Variants in DDX31 observed in about 807,000 individuals in gnomAD.
The protein encoded by DDX31 is DEAD-box helicase 31.
DDX31 carries 70 observed loss-of-function variants against 91.3 expected under a neutral mutation model. That is an observed-to-expected ratio of 0.77 (90% confidence interval 0.63 to 0.94). DDX31 has a LOEUF of 0.94. Ranked by LOEUF, DDX31 falls within the 40% of genes least tolerant of loss-of-function variation. DDX31 has a pLI of 0.00. For synonymous variants in DDX31, 362 were observed against 350.6 expected, an observed-to-expected ratio of 1.03 and a Z score of -0.36; for missense variants, 902 against 925.0, an observed-to-expected ratio of 0.98 and a Z score of 0.32.
At chr9:132,638,934 AGGC>A (rs1744390125) in intron 14 of DDX31, among the ~76,000 whole-genome samples, 4 of 152,182 alleles carry the variant, frequency 2.6e-5, no homozygotes, top group Admixed American at 2.6e-4. Flanking sequence ...AAATGGCAAA[AGGC>A]ACAGTATAAA....
chr9:132,623,552 AAAAAAAAAAAAAAAAAG>A (rs1379933720), intron 17 of DDX31, among the ~76,000 whole-genome samples: 24 of 59,672 alleles, frequency 4.0e-4, no homozygotes, highest in African/African-American at 1.9e-3. Context: ...ACTCCATCTC[AAAAAAAAAAAAAAAAAG>A]AAAAAAAAAA....
chr9:132,650,365 A>G, intron 8 of DDX31, 67 bp from the exon 9 acceptor site: 2 of 1,488,186 alleles, frequency 1.3e-6, no homozygotes, highest in South Asian at 2.3e-5. Context: ...ATTGATTCCA[A>G]ATTCCCTTTC....
At chr9:132,654,567 C>T (rs559273969) in intron 6 of DDX31, among the ~76,000 whole-genome samples, 1 of 150,768 alleles carries the variant, frequency 6.6e-6, no homozygotes, top group Admixed American at 6.6e-5. Flanking sequence ...GAGCCGAGAT[C>T]GTGCCATCGC....
rs200717089 is a variant in DDX31, at chr9:132,595,095, T to G, written c.2012A>C (p.Lys671Thr). ...AGCGAGGCTGTGTTTACTCTGGGTC[T>G]TCTTATGAAGGTCAGGCCTGAAGAA... ...AHVKRPDLHK[K>T]TQSKHSLAEI... Residue 671 changes from lysine (K) to threonine (T), a missense_variant, in exon 20 of 20, where the codon AAG becomes ACG. Physicochemically the swap from Lys to Thr is moderately conservative, Grantham distance 78. Coordinates refer to ENST00000372159, the MANE Select transcript of DDX31 (RefSeq NM_022779.9). The surrounding 1 kb of genome is among the most constrained non-coding windows in gnomAD (Gnocchi z 4.6). The G allele has an allele frequency of 1.9e-6, 3 of 1,614,100 alleles. No homozygotes were observed. In the Admixed American group the frequency reaches 5.0e-5, roughly 27 times the overall value.
chr9:132,601,121 C>T (rs1351762545), intron 19 of DDX31, among the ~76,000 whole-genome samples: 1 of 152,140 alleles, frequency 6.6e-6, no homozygotes, highest in Non-Finnish European at 1.5e-5. Flanking sequence ...CACCCCAGAG[C>T]GCAGCCCTCT....
chr9:132,594,709 C>A lies in DDX31; in HGVS notation c.*157G>T. Reference sequence around the variant, plus strand: ...TGATTTCTATCAGGCTCCAGGGCCTCCCATGGAGGAGAAGGGCTGTGGCCC... The same window carrying A: ...TGATTTCTATCAGGCTCCAGGGCCTACCATGGAGGAGAAGGGCTGTGGCCC... On this transcript the variant is annotated 3_prime_UTR_variant, in exon 20 of 20. Coordinates refer to ENST00000372159, the MANE Select transcript of DDX31 (RefSeq NM_022779.9). 1 of 1,259,562 alleles carries A rather than the reference C, an allele frequency of 7.9e-7. No individual in the cohort carries two copies. Among genetic ancestry groups the A allele is most frequent in the Non-Finnish European group, 1.1e-6 (1 of 911,430 alleles). The allele number at this position is 1,259,562 out of a possible 1,614,324, so 78.0% of individuals were successfully genotyped here. A position where few individuals can be genotyped will look rare whatever the true frequency, so the allele number is the denominator to read the frequency against.
chr9:132,628,999 G>C (rs972030512), intron 16 of DDX31, among the ~76,000 whole-genome samples: 5 of 152,254 alleles, frequency 3.3e-5, no homozygotes, highest in African/African-American at 1.2e-4. Flanking sequence ...CAGCGGGCTT[G>C]CATTTTACCT....
chr9:132,642,799 C>A (rs1833582904), intron 13 of DDX31, among the ~76,000 whole-genome samples: 1 of 151,730 alleles, frequency 6.6e-6, no homozygotes, highest in Non-Finnish European at 1.5e-5. Context: ...ATTTACGTGA[C>A]CAATGTTGTA....
At chr9:132,615,316 C>T (rs1406705660) in intron 18 of DDX31, among the ~76,000 whole-genome samples, 1 of 151,780 alleles carries the variant, frequency 6.6e-6, no homozygotes, top group Non-Finnish European at 1.5e-5. Context: ...AAACCTCCAG[C>T]CTGGAAGGTG....
intron 12 of DDX31, among the ~76,000 whole-genome samples, chr9:132,646,450 A>G (rs1393884042): frequency 6.6e-6 from 1 of 152,148 alleles, no homozygotes; most frequent in African/African-American, 2.4e-5. Flanking sequence ...ATTTTCTCAC[A>G]TCTCAGAGTC....
intron 4 of DDX31, 97 bp from the exon 5 acceptor site, chr9:132,659,877 C>A (rs1041222728): frequency 8.9e-7 from 1 of 1,120,238 alleles, no homozygotes; most frequent in Non-Finnish European, 1.3e-6. Context: ...CACTTGGATT[C>A]ATCTGGCAAC....
At chr9:132,608,751 A>C (rs1345979660) in intron 19 of DDX31, among the ~76,000 whole-genome samples, 1 of 152,202 alleles carries the variant, frequency 6.6e-6, no homozygotes, top group Non-Finnish European at 1.5e-5. Flanking sequence ...TGACAGACGG[A>C]TTTCAGAGGA....
chr9:132,645,871 C>A (rs1480251545), intron 13 of DDX31, 24 bp downstream of exon 13: 11 of 1,596,946 alleles, frequency 6.9e-6, no homozygotes. Context: ...AGTGTTGTCG[C>A]TGCACAGGGA....
At position 132,661,193 on chromosome 9, in the gene DDX31, GC is replaced by G. The variant is rs780910281; in HGVS notation, c.452+14del. 3.6e-5 allele frequency: 58 copies of G among 1,606,932 alleles called. No individual in the cohort carries two copies. The highest frequency in any genetic ancestry group is 4.8e-5 in the Non-Finnish European group (56 of 1,174,488). On this transcript the variant is annotated intron_variant, in intron 4 of 19. Transcript: ENST00000372159. ...CGTAATGCCTAAGAAATCAAGAGGA[GC>G]CTGAAGTTCTTACCTGGTCATACTA... is the stretch of plus-strand genomic sequence containing the variant.
intron 6 of DDX31, chr9:132,658,218 A>T: frequency 2.9e-6 from 2 of 695,534 alleles, no homozygotes; most frequent in South Asian, 3.0e-5. Context: ...AAGTCTTCAC[A>T]CAAGAGTAAG....
rs774442061 is a variant in DDX31, at chr9:132,641,968, T to C, written c.1440+36A>G. 2.5e-6 allele frequency: 4 copies of C among 1,595,538 alleles called. No homozygotes were observed. In the South Asian group the frequency reaches 3.3e-5, roughly 13 times the overall value. On this transcript the variant is annotated intron_variant, in intron 14 of 19. Coordinates refer to ENST00000372159, the MANE Select transcript of DDX31 (RefSeq NM_022779.9). ...AGATTACACAGCCATCACAGAAATG[T>C]ATCAGCCTTCACATGGAACACAGGA... is the stretch of plus-strand genomic sequence containing the variant.
At chr9:132,638,462 T>C in intron 14 of DDX31, 1 of 1,519,992 alleles carries the variant, frequency 6.6e-7, no homozygotes, top group South Asian at 1.1e-5. Context: ...GCTTTGAACT[T>C]CCAATGACTC....
In DDX31 at chr9:132,618,349, C is replaced by T. The variant is rs140049445; in HGVS notation, c.1806G>A (p.Arg602=). The change falls in exon 18 of 20, where the codon AGG becomes AGA. Residue 602 remains arginine, a synonymous_variant. Coordinates refer to ENST00000372159, the MANE Select transcript of DDX31 (RefSeq NM_022779.9). ...ACTGACCTTTCTTTGCCCAGGAGAC[C>T]CTCCTCTCACTGGAGTGCACGTAAT... ...FEDYVHSSER[R]VSWAKKALQS... is the part of the protein sequence containing the mutation. 1.1e-5 allele frequency: 17 copies of T among 1,609,144 alleles called. No homozygotes were observed. In the African/African-American group the frequency reaches 1.5e-4, roughly 14 times the overall value.
intron 14 of DDX31, among the ~76,000 whole-genome samples, chr9:132,635,876 G>A (rs958410775): frequency 2.0e-5 from 3 of 151,992 alleles, no homozygotes; most frequent in African/African-American, 7.2e-5. Context: ...CCCGGGAGGT[G>A]GAGGGTGCAG....
Sources: allele counts gnomAD v4.1 joint callset (sites outside exome capture counted in the v4.1 genomes callset), GRCh38; gene constraint gnomAD v4.1.1; non-coding constraint Gnocchi (gnomAD v3.1); transcripts MANE v1.5; gene names NCBI Gene and HGNC (gene_info 2026-07-23, HGNC 2026-07-21).